CEMIP: variants seen among roughly 807,000 people sequenced by gnomAD.
CEMIP encodes the protein cell migration-inducing and hyaluronan-binding protein.
CEMIP carries 105 observed loss-of-function variants against 156.9 expected under a neutral mutation model. That is an observed-to-expected ratio of 0.67 (90% confidence interval 0.57 to 0.79). The LOEUF is 0.79. Among genes scored for constraint, CEMIP ranks in the 30% least tolerant of loss-of-function variants. CEMIP has a pLI of 0.00. For synonymous variants in CEMIP, 676 were observed against 668.4 expected, an observed-to-expected ratio of 1.01 and a Z score of -0.17; for missense variants, 1,457 against 1,769.4, an observed-to-expected ratio of 0.82 and a Z score of 3.17.
intron 21 of CEMIP, 45 bp downstream of exon 21, chr15:80,929,219 T>G (rs781514075): frequency 6.8e-6 from 11 of 1,611,208 alleles, no homozygotes. Context: ...TGGCTTAACC[T>G]AAGTGGCTGT....
chr15:80,785,829 T>C (rs74030606), intron 1 of CEMIP, among the ~76,000 whole-genome samples: 7,638 of 152,234 alleles, frequency 0.05, 634 homozygotes, highest in African/African-American at 0.17. Flanking sequence ...CTCCCTCACC[T>C]GTCCAGGTCC....
chr15:80,879,693 T>TC (rs1898578778), intron 4 of CEMIP, 23 bp from the exon 5 acceptor site: 3 of 1,613,634 alleles, frequency 1.9e-6, no homozygotes, highest in Middle Eastern at 1.7e-4. Context: ...TTATTAAACC[T>TC]CCCCCCAATG....
chr15:80,926,824 G>C (rs562486751), intron 19 of CEMIP, among the ~76,000 whole-genome samples: 16 of 128,132 alleles, frequency 1.2e-4, no homozygotes, highest in East Asian at 5.2e-4. Context: ...GCGGGTGGGG[G>C]GGGGGGGTCT....
intron 1 of CEMIP, among the ~76,000 whole-genome samples, chr15:80,808,320 G>A (rs947421967): frequency 7.9e-5 from 12 of 152,188 alleles, no homozygotes; most frequent in Admixed American, 3.3e-4. Context: ...CCTCACAGCT[G>A]TAAATGGAAG....
chr15:80,871,582 C>T (rs1024231278), intron 1 of CEMIP, among the ~76,000 whole-genome samples: 10 of 152,270 alleles, frequency 6.6e-5, no homozygotes, highest in African/African-American at 1.9e-4. Flanking sequence ...GGGATGCCCC[C>T]GCCCAGCCTG....
intron 1 of CEMIP, among the ~76,000 whole-genome samples, chr15:80,865,650 C>CT (rs60777440): frequency 0.031 from 4,140 of 134,530 alleles, 91 homozygotes; most frequent in African/African-American, 0.063. Context: ...ATGCACAGCC[C>CT]TTTTTTTTTT....
intron 19 of CEMIP, among the ~76,000 whole-genome samples, chr15:80,927,028 A>G (rs773753157): frequency 2.0e-5 from 3 of 152,104 alleles, no homozygotes; most frequent in Admixed American, 6.5e-5. Context: ...ACGGGGTTTC[A>G]CCACATTGGC....
intron 1 of CEMIP, among the ~76,000 whole-genome samples, chr15:80,850,597 C>A (rs1393751826): frequency 6.6e-6 from 1 of 152,098 alleles, no homozygotes; most frequent in African/African-American, 2.4e-5. Context: ...GTTATTTTCC[C>A]AAGGAGACAT....
In CEMIP at chr15:80,851,216, G is replaced by A. The variant is rs117673384; in HGVS notation, c.-175-22322G>A. 3.2e-3 allele frequency among the ~76,000 whole-genome samples: 489 copies of A among 152,302 alleles called. 2 individuals carry two copies. The highest frequency in any genetic ancestry group is 0.017 in the Middle Eastern group (5 of 294). On this transcript the variant is annotated intron_variant, in intron 1 of 29. Transcript: ENST00000394685. The stretch of plus-strand genomic sequence containing the variant: ...GCAGGCAGACAATCCTGGGGTCACC[G>A]CAACTCCACAGCAGGGCCAGGGAGC...
At chr15:80,882,203 G>A (rs6495528) in intron 6 of CEMIP, among the ~76,000 whole-genome samples, 46,741 of 152,054 alleles carry the variant, frequency 0.31, 7,596 homozygotes, top group East Asian at 0.48. Flanking sequence ...CAACCTTGCC[G>A]GTAAACATTA....
chr15:80,805,766 A>G (rs1077541), intron 1 of CEMIP, among the ~76,000 whole-genome samples: 14,349 of 152,296 alleles, frequency 0.094, 1,321 homozygotes, highest in East Asian at 0.47. Flanking sequence ...CATAAACTTG[A>G]TATGCCAAAT....
chr15:80,932,174 A>G lies in CEMIP; in HGVS notation c.2793+135A>G, dbSNP rs967680811. ...AAGCCTCCTCCAACTAGGCTGGGCC[A>G]TGTCCCAGTTTGCTCTTCATCCAAA... On this transcript the variant is annotated intron_variant, in intron 22 of 29. Transcript: ENST00000394685. The surrounding 1 kb of genome is among the most constrained non-coding windows in gnomAD (Gnocchi z 4.5). 9.7e-7 allele frequency: 1 copy of G among 1,027,148 alleles called. No homozygotes were observed. The highest frequency in any genetic ancestry group is 1.5e-6 in the Non-Finnish European group (1 of 676,398). 63.6% of individuals were successfully genotyped at this position (1,027,148 alleles called of 1,614,324 possible).
At chr15:80,916,745 A>T (rs1900286361) in intron 14 of CEMIP, among the ~76,000 whole-genome samples, 4 of 151,660 alleles carry the variant, frequency 2.6e-5, no homozygotes, top group Admixed American at 2.0e-4. Flanking sequence ...TCACACAGGG[A>T]CACTTAGGCA....
At chr15:80,855,241 T>C (rs1455374534) in intron 1 of CEMIP, among the ~76,000 whole-genome samples, 1 of 152,120 alleles carries the variant, frequency 6.6e-6, no homozygotes, top group Admixed American at 6.5e-5. Context: ...CAACATATAG[T>C]AACATTTATG....
intron 1 of CEMIP, among the ~76,000 whole-genome samples, chr15:80,832,251 G>A (rs1472339652): frequency 6.6e-6 from 1 of 151,410 alleles, no homozygotes; most frequent in Non-Finnish European, 1.5e-5. Context: ...TTCACTCTTT[G>A]ATCTATGTTG....
intron 12 of CEMIP, among the ~76,000 whole-genome samples, chr15:80,905,601 C>T (rs997319688): frequency 2.0e-5 from 3 of 152,016 alleles, no homozygotes; most frequent in Non-Finnish European, 4.4e-5. Flanking sequence ...AGGTGCAGAC[C>T]ACAGGTTCAG....
At chr15:80,787,682 C>G (rs887221950) in intron 1 of CEMIP, among the ~76,000 whole-genome samples, 1 of 152,220 alleles carries the variant, frequency 6.6e-6, no homozygotes, top group Non-Finnish European at 1.5e-5. Flanking sequence ...TTGCGCTGAT[C>G]TCTTAGCACT....
chr15:80,900,636 G>GTGTGTGTGTC (rs1899466088), intron 12 of CEMIP, among the ~76,000 whole-genome samples: 2 of 132,204 alleles, frequency 1.5e-5, no homozygotes, highest in African/African-American at 5.4e-5. Context: ...GTGTGTGTGT[G>GTGTGTGTGTC]TGTGTGTGTG....
chr15:80,902,662 T>C (rs1899617882), intron 12 of CEMIP, among the ~76,000 whole-genome samples: 1 of 152,194 alleles, frequency 6.6e-6, no homozygotes, highest in Non-Finnish European at 1.5e-5. Context: ...TATATTTCCT[T>C]GGCTGACGGG....
Sources: gnomAD v4.1 joint callset for allele counts (sites outside exome capture counted in the v4.1 genomes callset) on GRCh38, gnomAD v4.1.1 for gene constraint, Gnocchi (gnomAD v3.1) non-coding constraint, MANE v1.5 for transcripts, NCBI Gene and HGNC (gene_info 2026-07-23, HGNC 2026-07-21) for gene names.